The following NELL2 variants were observed in gnomAD, a reference collection of about 807,000 sequenced individuals.
NELL2 encodes the protein neural EGFL like 2, also known as protein kinase C-binding protein NELL2.
A neutral mutation model predicts 109.6 loss-of-function variants in NELL2; 41 were observed. The observed-to-expected ratio is 0.37, with a 90% CI of 0.29 to 0.49. The LOEUF is 0.49. Among genes scored for constraint, NELL2 ranks in the 20% least tolerant of loss-of-function variants. The pLI is 0.98. For synonymous variants in NELL2, 355 were observed against 344.7 expected (o/e 1.03, Z -0.33); for missense variants, 900 against 1,008.3 (o/e 0.89, Z 1.45).
chr12:44,779,837 C>T lies in NELL2; in HGVS notation c.509+12G>A. ...AATCTTCCATTTCCTAAAATGAGGA[C>T]ACTACACTTACTTATTGCAGTCAAT... On this transcript the variant is annotated intron_variant, in intron 4 of 19. Transcript: ENST00000429094. 2 of 1,613,548 alleles carry T rather than the reference C, an allele frequency of 1.2e-6. No individual in the cohort carries two copies. Among genetic ancestry groups the T allele is most frequent in the Non-Finnish European group, 1.7e-6 (2 of 1,179,524 alleles).
intron 9 of NELL2, among the ~76,000 whole-genome samples, chr12:44,739,861 G>T (rs1939855163): frequency 6.6e-6 from 1 of 152,132 alleles, no homozygotes; most frequent in African/African-American, 2.4e-5. Context: ...CTGCACTCCA[G>T]CATGGGTGAC....
intron 15 of NELL2, among the ~76,000 whole-genome samples, chr12:44,569,475 G>A (rs1943781144): frequency 6.6e-6 from 1 of 152,066 alleles, no homozygotes; most frequent in South Asian, 2.1e-4. Context: ...TGCCACAATG[G>A]TTGAACTAAT....
At chr12:44,705,227 A>G (rs1937804795) in intron 11 of NELL2, among the ~76,000 whole-genome samples, 1 of 152,148 alleles carries the variant, frequency 6.6e-6, no homozygotes, top group Non-Finnish European at 1.5e-5. Context: ...TATGATGTAT[A>G]GTAAAATATT....
At chr12:44,649,343 C>A (rs1322395459) in intron 13 of NELL2, among the ~76,000 whole-genome samples, 1 of 152,084 alleles carries the variant, frequency 6.6e-6, no homozygotes, top group Non-Finnish European at 1.5e-5. Context: ...GTGCCCCTAC[C>A]ACTACAGAAG....
At chr12:44,819,226 T>C (rs550108940) in intron 2 of NELL2, among the ~76,000 whole-genome samples, 4 of 152,240 alleles carry the variant, frequency 2.6e-5, no homozygotes, top group Admixed American at 1.3e-4. Flanking sequence ...TCAAAAAAAT[T>C]GATCAATCAG....
At chr12:44,759,507 A>G (rs1341553049) in intron 9 of NELL2, among the ~76,000 whole-genome samples, 1 of 152,228 alleles carries the variant, frequency 6.6e-6, no homozygotes, top group Non-Finnish European at 1.5e-5. Context: ...TGAGAGTGTC[A>G]TAAACCAACC....
intron 1 of NELL2, among the ~76,000 whole-genome samples, chr12:44,899,294 C>T (rs1945631990): frequency 6.6e-6 from 1 of 152,014 alleles, no homozygotes; most frequent in South Asian, 2.1e-4. Flanking sequence ...AGAAGAGCAA[C>T]CCAAAGACAC....
intron 19 of NELL2, among the ~76,000 whole-genome samples, chr12:44,516,712 G>A (rs906897585): frequency 2.6e-5 from 4 of 152,146 alleles, no homozygotes; most frequent in Admixed American, 6.5e-5. Context: ...CCAAGGTGGA[G>A]TGCAGTGGCA....
In NELL2 at chr12:44,626,838, T is replaced by A. The variant is rs908130731; in HGVS notation, c.1445-15868A>T. On this transcript the variant is annotated intron_variant, in intron 13 of 19. Coordinates refer to ENST00000429094, the MANE Select transcript of NELL2 (RefSeq NM_001145108.2). ...CTTCCAGTCCAGCAGCTTTTGACTA[T>A]AAAGAAACAAACAAAACAAATGGAT... Among the ~76,000 whole-genome samples, 4 of 152,178 alleles carry A rather than the reference T, an allele frequency of 2.6e-5. No individual in the cohort carries two copies. The South Asian group carries it at 8.3e-4, about 31-fold the overall frequency.
At position 44,746,949 on chromosome 12, in the gene NELL2, G is replaced by A. The variant is rs150036251; in HGVS notation, c.994+27798C>T. ...TTTGACCCAACCATCCCATTACTGG[G>A]TATATACCCAAAGGATTATAAATCA... On this transcript the variant is annotated intron_variant, in intron 9 of 19. Transcript: ENST00000429094. 9.3e-4 allele frequency among the ~76,000 whole-genome samples: 141 copies of A among 152,268 alleles called. 2 individuals are homozygous for A. In the East Asian group the frequency reaches 0.024, roughly 26 times the overall value.
chr12:44,526,942 C>G (rs187983248), intron 16 of NELL2, among the ~76,000 whole-genome samples: 2 of 152,144 alleles, frequency 1.3e-5, no homozygotes, highest in East Asian at 3.9e-4. Context: ...GCCCTTCATA[C>G]GCATGTTCAA....
In NELL2 at chr12:44,863,584, G is replaced by A. The variant is rs569105486; in HGVS notation, c.184+11641C>T. 8.5e-5 allele frequency among the ~76,000 whole-genome samples: 13 copies of A among 152,164 alleles called. No homozygotes were observed. In the East Asian group the frequency reaches 2.3e-3, roughly 27 times the overall value. ...ACATTCCCTTCAACAATGAAGGAGA[G>A]ATAAAGACTTTACCAGACAAACAAA... On this transcript the variant is annotated intron_variant, in intron 2 of 19. Transcript: ENST00000429094.
chr12:44,715,142 T>C (rs563444296), intron 9 of NELL2, among the ~76,000 whole-genome samples: 2 of 151,812 alleles, frequency 1.3e-5, no homozygotes, highest in South Asian at 2.1e-4. Context: ...TTGTTTTATA[T>C]ACCATTACAG....
chr12:44,767,249 C>T (rs747297112), intron 9 of NELL2, among the ~76,000 whole-genome samples: 7 of 152,118 alleles, frequency 4.6e-5, no homozygotes, highest in Non-Finnish European at 8.8e-5. Flanking sequence ...TTTGGGCTTC[C>T]ATTGACTATT....
chr12:44,821,245 C>G (rs181131117), intron 2 of NELL2, among the ~76,000 whole-genome samples: 1 of 152,070 alleles, frequency 6.6e-6, no homozygotes. Flanking sequence ...GCAAAAACAG[C>G]CATGGAACAT....
In NELL2 at chr12:44,800,702, A is replaced by C. The variant is rs958618040; in HGVS notation, c.335+15284T>G. Among the ~76,000 whole-genome samples, 33 of 152,188 alleles carry C rather than the reference A, an allele frequency of 2.2e-4. 1 individual carries two copies. Among genetic ancestry groups the C allele is most frequent in the Non-Finnish European group, 1.8e-4 (12 of 68,032 alleles). On this transcript the variant is annotated intron_variant, in intron 3 of 19. Transcript: ENST00000429094. ...AACAATTTGCTGTCCTAAGATGCTA[A>C]AAATCAATAGAAATTCTTTAGGCCA...
At chr12:44,845,433 T>C (rs868512243) in intron 2 of NELL2, among the ~76,000 whole-genome samples, 1 of 152,172 alleles carries the variant, frequency 6.6e-6, no homozygotes, top group African/African-American at 2.4e-5. Flanking sequence ...ACTAGTCACA[T>C]AAAGGCTAAA....
Position 44,830,616 on chromosome 12 carries a change from C to T in NELL2, c.185-14480G>A, listed in dbSNP as rs139661302. ...GTCCCTGTCCTTGTTTCCACAGGCCCCAAATCTGCCATCTCCCGGTTTCTG... is the reference window on the plus strand; with the variant it reads ...GTCCCTGTCCTTGTTTCCACAGGCCTCAAATCTGCCATCTCCCGGTTTCTG... On this transcript the variant is annotated intron_variant, in intron 2 of 19. Transcript: ENST00000429094. Among the ~76,000 whole-genome samples the T allele has an allele frequency of 2.5e-3, 388 of 152,216 alleles. 3 individuals are homozygous for T. The highest frequency in any genetic ancestry group is 8.8e-3 in the African/African-American group (366 of 41,540).
chr12:44,573,697 T>G (rs1943958970), intron 15 of NELL2, among the ~76,000 whole-genome samples: 2 of 152,218 alleles, frequency 1.3e-5, no homozygotes, highest in Non-Finnish European at 2.9e-5. Context: ...AAGATTTAAG[T>G]GATTAGAATG....
Sources: gnomAD v4.1 joint callset for allele counts (sites outside exome capture counted in the v4.1 genomes callset) on GRCh38, gnomAD v4.1.1 for gene constraint, MANE v1.5 for transcripts, NCBI Gene and HGNC (gene_info 2026-07-23, HGNC 2026-07-21) for gene names.